OSTF1: variants seen among roughly 807,000 people sequenced by gnomAD.
OSTF1 encodes osteoclast stimulating factor 1, also known as osteoclast-stimulating factor 1.
OSTF1 carries 27 observed loss-of-function variants against 37.2 expected under a neutral mutation model. The ratio of observed to expected loss-of-function variants is 0.73; its 90% CI spans 0.54 to 1.00. OSTF1 has a LOEUF of 1.00. Ranked by LOEUF, OSTF1 falls within the 50% of genes least tolerant of loss-of-function variation. The pLI, the probability that OSTF1 is intolerant of heterozygous loss-of-function variation, is 0.00. For synonymous variants in OSTF1, 82 were observed against 89.2 expected (o/e 0.92, Z 0.46); for missense variants, 232 against 253.8 (o/e 0.91, Z 0.58).
At chr9:75,095,977 C>T (rs1041632275) in intron 1 of OSTF1, among the ~76,000 whole-genome samples, 3 of 151,926 alleles carry the variant, frequency 2.0e-5, no homozygotes, top group Admixed American at 1.3e-4. Context: ...CTGCAACCTC[C>T]GCCTCCCGGG....
At chr9:75,097,460 C>T (rs775003066) in intron 1 of OSTF1, among the ~76,000 whole-genome samples, 4 of 152,182 alleles carry the variant, frequency 2.6e-5, no homozygotes, top group Non-Finnish European at 5.9e-5. Flanking sequence ...TGGACCCCTC[C>T]CCTCAGCCAG....
intron 9 of OSTF1, among the ~76,000 whole-genome samples, chr9:75,144,367 A>G (rs960855508): frequency 1.3e-5 from 2 of 152,170 alleles, no homozygotes; most frequent in Non-Finnish European, 2.9e-5. Flanking sequence ...CCTGGACAAC[A>G]TAGTGAGATG....
intron 9 of OSTF1, among the ~76,000 whole-genome samples, chr9:75,144,689 A>G (rs1220452579): frequency 7.2e-6 from 1 of 139,678 alleles, no homozygotes; most frequent in East Asian, 2.0e-4. Context: ...AAACATGAAA[A>G]CTTTTTTTTT....
intron 1 of OSTF1, among the ~76,000 whole-genome samples, chr9:75,090,610 A>C (rs372801352): frequency 6.6e-6 from 1 of 151,954 alleles, no homozygotes; most frequent in Non-Finnish European, 1.5e-5. Context: ...CAGTTTAGTA[A>C]TTTACAGTGA....
intron 2 of OSTF1, among the ~76,000 whole-genome samples, chr9:75,121,298 G>A (rs1825576830): frequency 6.6e-6 from 1 of 152,254 alleles, no homozygotes; most frequent in South Asian, 2.1e-4. Flanking sequence ...TTGATGGGTT[G>A]TGTATTGATT....
At chr9:75,132,768 G>A (rs1437617197) in intron 5 of OSTF1, among the ~76,000 whole-genome samples, 1 of 152,184 alleles carries the variant, frequency 6.6e-6, no homozygotes, top group Non-Finnish European at 1.5e-5. Flanking sequence ...TGGGACATTA[G>A]CCTGAGGATT....
At chr9:75,145,303 CA>C (rs1412905537) in intron 9 of OSTF1, among the ~76,000 whole-genome samples, 3 of 152,158 alleles carry the variant, frequency 2.0e-5, no homozygotes, top group Non-Finnish European at 4.4e-5. Context: ...AATTTAGGTT[CA>C]ATCTATCCAT....
At chr9:75,097,161 C>T (rs1395803362) in intron 1 of OSTF1, among the ~76,000 whole-genome samples, 2 of 152,110 alleles carry the variant, frequency 1.3e-5, no homozygotes, top group Admixed American at 6.5e-5. Context: ...AAATTGTTTT[C>T]GACCACATTT....
At chr9:75,133,004 CA>C (rs1825787762) in intron 5 of OSTF1, among the ~76,000 whole-genome samples, 3 of 29,110 alleles carry the variant, frequency 1.0e-4, no homozygotes, top group South Asian at 8.7e-4. Context: ...CACACACACA[CA>C]CACACACCCC....
intron 1 of OSTF1, among the ~76,000 whole-genome samples, chr9:75,115,729 GC>G (rs1168330583): frequency 6.8e-6 from 1 of 148,140 alleles, no homozygotes; most frequent in Non-Finnish European, 1.5e-5. Flanking sequence ...CTTATTTACA[GC>G]TGGCCTTCTG....
chr9:75,100,456 G>A (rs1045667150), intron 1 of OSTF1, among the ~76,000 whole-genome samples: 7 of 152,016 alleles, frequency 4.6e-5, no homozygotes, highest in Admixed American at 2.6e-4. Context: ...GAGGCCAGGC[G>A]CGGTGGCTCA....
intron 2 of OSTF1, among the ~76,000 whole-genome samples, chr9:75,125,542 C>T (rs565076366): frequency 2.0e-5 from 3 of 152,212 alleles, no homozygotes; most frequent in East Asian, 3.9e-4. Context: ...ACTAATTTTC[C>T]ATAGTTTGTG....
chr9:75,091,059 T>G (rs1824964717), intron 1 of OSTF1, among the ~76,000 whole-genome samples: 3 of 150,094 alleles, frequency 2.0e-5, no homozygotes, highest in Admixed American at 1.3e-4. Context: ...AAAACCCAGG[T>G]AGTCTGGCTT....
At chr9:75,133,472 C>A in intron 6 of OSTF1, 71 bp downstream of exon 6, 2 of 899,960 alleles carry the variant, frequency 2.2e-6, no homozygotes, top group Admixed American at 2.1e-5. Context: ...GCCAGATTTA[C>A]AAAAAATGAG....
At chr9:75,121,512 C>T (rs1482716414) in intron 2 of OSTF1, among the ~76,000 whole-genome samples, 3 of 152,110 alleles carry the variant, frequency 2.0e-5, no homozygotes, top group African/African-American at 7.2e-5. Flanking sequence ...GCCCTGTTGC[C>T]TCTATATTTC....
chr9:75,136,178 C>CTGAT (rs1410669002), intron 7 of OSTF1, among the ~76,000 whole-genome samples: 1 of 152,172 alleles, frequency 6.6e-6, no homozygotes, highest in Non-Finnish European at 1.5e-5. Context: ...TTATTTTACT[C>CTGAT]TGATTGTTAC....
chr9:75,129,533 G>A (rs138065478), intron 3 of OSTF1, among the ~76,000 whole-genome samples: 154 of 152,232 alleles, frequency 1.0e-3, no homozygotes, highest in African/African-American at 3.4e-3. Flanking sequence ...ATTTCCTAAT[G>A]GAAGAAATCA....
At chr9:75,116,367 T>C (rs1346181375) in intron 1 of OSTF1, among the ~76,000 whole-genome samples, 2 of 152,176 alleles carry the variant, frequency 1.3e-5, no homozygotes, top group Admixed American at 6.5e-5. Flanking sequence ...CAAACATTTA[T>C]TAAGTTCTAC....
intron 2 of OSTF1, among the ~76,000 whole-genome samples, chr9:75,126,424 A>C (rs1418125408): frequency 1.3e-5 from 2 of 152,188 alleles, no homozygotes; most frequent in Non-Finnish European, 2.9e-5. Flanking sequence ...TACATTTTTC[A>C]TCCACCATGA....
Sources: allele counts gnomAD v4.1 joint callset (sites outside exome capture counted in the v4.1 genomes callset), GRCh38; gene constraint gnomAD v4.1.1; transcripts MANE v1.5; gene names NCBI Gene and HGNC (gene_info 2026-07-23, HGNC 2026-07-21).